IQSEC3: variants seen among roughly 807,000 people sequenced by gnomAD.
IQSEC3 encodes IQ motif and SEC7 domain-containing protein 3.
IQSEC3 carries 50 observed loss-of-function variants against 105.4 expected under a neutral mutation model. The ratio of observed to expected loss-of-function variants is 0.47; its 90% CI spans 0.38 to 0.60. The LOEUF is 0.60. IQSEC3 is among the 20% of genes least tolerant of loss of function. The pLI, the probability that IQSEC3 is intolerant of heterozygous loss-of-function variation, is 0.00. For synonymous variants in IQSEC3, 708 were observed against 746.0 expected (o/e 0.95, Z 0.83); for missense variants, 1,415 against 1,630.0 (o/e 0.87, Z 2.27).
intron 7 of IQSEC3, among the ~76,000 whole-genome samples, 170 bp from the exon 8 acceptor site, chr12:161,756 C>T (rs1259756220): frequency 6.6e-6 from 1 of 152,130 alleles, no homozygotes; most frequent in Non-Finnish European, 1.5e-5. Context: ...GGCTAAGGAA[C>T]TTGTTCTTAA....
intron 11 of IQSEC3, chr12:166,807 C>T (rs1254434600): frequency 6.6e-6 from 1 of 152,206 alleles, no homozygotes; most frequent in Non-Finnish European, 1.5e-5. Context: ...ATTTTTGAGG[C>T]TCCTACTACA....
At chr12:148,332 A>C (rs565070301) in intron 5 of IQSEC3, 1 of 152,296 alleles carries the variant, frequency 6.6e-6, no homozygotes, top group South Asian at 2.1e-4. Flanking sequence ...TCCGTGCACT[A>C]ATAAACCCGC....
Position 83,295 on chromosome 12 carries a change from C to T in IQSEC3, c.555-15851C>T, listed in dbSNP as rs547996007. Reference sequence around the variant, plus strand: ...ACGGCATGTCAGGGGCACAGGGATTCGCGGTGAACAAGTCGAACAAAGCCC... The same window carrying T: ...ACGGCATGTCAGGGGCACAGGGATTTGCGGTGAACAAGTCGAACAAAGCCC... On this transcript the variant is annotated intron_variant, in intron 1 of 13. Coordinates refer to ENST00000538872, the MANE Select transcript of IQSEC3 (RefSeq NM_001170738.2). Among the ~76,000 whole-genome samples the T allele has an allele frequency of 2.6e-5, 4 of 152,200 alleles. No individual in the cohort carries two copies. The East Asian group carries it at 5.8e-4, about 22-fold the overall frequency.
chr12:116,121 G>A (rs1555080570), intron 2 of IQSEC3, among the ~76,000 whole-genome samples: 1 of 152,204 alleles, frequency 6.6e-6, no homozygotes, highest in Admixed American at 6.5e-5. Flanking sequence ...ACTAGGGCTT[G>A]CCAACCATTG....
chr12:85,583 C>T (rs1323023264), intron 1 of IQSEC3, among the ~76,000 whole-genome samples: 2 of 152,194 alleles, frequency 1.3e-5, no homozygotes, highest in Non-Finnish European at 1.5e-5. Context: ...AGCTCGAGGA[C>T]TGACAGCAAG....
intron 7 of IQSEC3, among the ~76,000 whole-genome samples, chr12:158,221 T>C (rs957465633): frequency 2.1e-4 from 32 of 152,050 alleles, no homozygotes; most frequent in African/African-American, 7.7e-4. Context: ...TACATCCACA[T>C]AATTTAATAA....
rs782422024 is a variant in IQSEC3 at position 125,651 on chromosome 12, G to C, written c.642G>C (p.Gln214His). Reference sequence around the variant, plus strand: ...TTCACAGTGATGGCTCCTGCACCCAGGCCGGTGGGGGCATGGAGGACTCCG... The same window carrying C: ...TTCACAGTGATGGCTCCTGCACCCACGCCGGTGGGGGCATGGAGGACTCCG... Reference protein sequence around the residue: ...LASQSDGSCTQAGGGMEDSVV... With the variant: ...LASQSDGSCTHAGGGMEDSVV... The change falls in exon 3 of 14, where the codon CAG becomes CAC. Residue 214 changes from glutamine (Q) to histidine (H), a missense_variant. Gln to His is a conservative substitution (Grantham distance 24, BLOSUM62 0). Coordinates refer to ENST00000538872, the MANE Select transcript of IQSEC3 (RefSeq NM_001170738.2). The C allele has an allele frequency of 2.6e-6, 4 of 1,523,452 alleles. No homozygotes were observed. Among genetic ancestry groups the C allele is most frequent in the Non-Finnish European group, 3.5e-6 (4 of 1,147,440 alleles). 94.4% of individuals were successfully genotyped at this position (1,523,452 alleles called of 1,614,324 possible).
Position 164,147 on chromosome 12 carries a change from T to C in IQSEC3, c.2709+528T>C, listed in dbSNP as rs998896559. Among the ~76,000 whole-genome samples, 10 of 152,316 alleles carry C rather than the reference T, an allele frequency of 6.6e-5. 1 individual carries two copies. The highest frequency in any genetic ancestry group is 1.9e-4 in the East Asian group (1 of 5,186). On this transcript the variant is annotated intron_variant, in intron 9 of 13. Coordinates refer to ENST00000538872, the MANE Select transcript of IQSEC3 (RefSeq NM_001170738.2). ...GCGTTGACCATGTGCCAGGCATCAT[T>C]GTAGGTCTGGAAAACTGGTGAGCAG...
At chr12:140,662 C>T (rs1487931543) in intron 4 of IQSEC3, 1 of 160,230 alleles carries the variant, frequency 6.2e-6, no homozygotes, top group African/African-American at 2.4e-5. Flanking sequence ...TGTTTCTGTA[C>T]TTATCTCCTC....
At chr12:93,423 CT>C (rs1864153130) in intron 1 of IQSEC3, among the ~76,000 whole-genome samples, 1 of 152,330 alleles carries the variant, frequency 6.6e-6, no homozygotes, top group Non-Finnish European at 1.5e-5. Flanking sequence ...TTCCTGTCCC[CT>C]GCTCACCTTG....
At chr12:71,454 G>A (rs1207463161) in intron 1 of IQSEC3, among the ~76,000 whole-genome samples, 1 of 152,266 alleles carries the variant, frequency 6.6e-6, no homozygotes, top group Non-Finnish European at 1.5e-5. Context: ...GCTGCCTAAA[G>A]CAATCCTCTA....
At chr12:77,910 G>C (rs1555069685) in intron 1 of IQSEC3, among the ~76,000 whole-genome samples, 1 of 151,450 alleles carries the variant, frequency 6.6e-6, no homozygotes, top group Admixed American at 6.6e-5. Flanking sequence ...GGGCGGGCCG[G>C]CTGGCAGCCG....
chr12:80,403 C>A (rs551744888), intron 1 of IQSEC3, among the ~76,000 whole-genome samples: 61 of 152,260 alleles, frequency 4.0e-4, no homozygotes, highest in African/African-American at 1.5e-3. Flanking sequence ...AGGAAGCCTT[C>A]CTGAACCGAT....
intron 2 of IQSEC3, among the ~76,000 whole-genome samples, chr12:121,585 G>A (rs1027398978): frequency 7.0e-4 from 107 of 152,308 alleles, no homozygotes; most frequent in African/African-American, 2.2e-3. Context: ...GCTGGAACGG[G>A]GTAGGAGGAA....
intron 1 of IQSEC3, among the ~76,000 whole-genome samples, chr12:73,933 CA>C (rs1863423207): frequency 6.6e-6 from 1 of 152,272 alleles, no homozygotes; most frequent in Non-Finnish European, 1.5e-5. Flanking sequence ...TTCTAGTTGG[CA>C]AAGGCTTCTT....
intron 2 of IQSEC3, among the ~76,000 whole-genome samples, chr12:123,706 A>G (rs1865291487): frequency 6.6e-6 from 1 of 152,018 alleles, no homozygotes; most frequent in Non-Finnish European, 1.5e-5. Flanking sequence ...TCTGCACCCT[A>G]AGGTCCAGTG....
intron 8 of IQSEC3, 62 bp from the exon 9 acceptor site, chr12:163,432 G>T: frequency 6.8e-7 from 1 of 1,479,764 alleles, no homozygotes; most frequent in Non-Finnish European, 9.0e-7. Flanking sequence ...GAAAATGGGC[G>T]CGTGGGTGGG....
intron 11 of IQSEC3, 143 bp downstream of exon 11, chr12:166,033 C>T: frequency 2.4e-6 from 2 of 848,602 alleles, no homozygotes; most frequent in Middle Eastern, 3.6e-4. Context: ...GCACCACACT[C>T]CCACAGCCCG....
intron 2 of IQSEC3, among the ~76,000 whole-genome samples, chr12:117,640 GCGA>G (rs1288158676): frequency 6.6e-6 from 1 of 152,214 alleles, no homozygotes; most frequent in Non-Finnish European, 1.5e-5. Flanking sequence ...AGAAGTGGCT[GCGA>G]CCCTTTGACA....
Sources: allele counts gnomAD v4.1 joint callset (sites outside exome capture counted in the v4.1 genomes callset), GRCh38; gene constraint gnomAD v4.1.1; transcripts MANE v1.5; gene names NCBI Gene and HGNC (gene_info 2026-07-23, HGNC 2026-07-21).